The following BLTP2 variants were observed in gnomAD, a reference collection of about 807,000 sequenced individuals.
The protein encoded by BLTP2 is U937-associated antigen.
chr17:28,634,728 G>C, the BLTP2 span: 4 of 1,614,150 alleles, frequency 2.5e-6, no homozygotes, highest in Non-Finnish European at 3.4e-6. Context: ...TGTTGCCATA[G>C]AGACGACGGG....
chr17:28,635,126 A>T, the BLTP2 span: 1 of 1,613,870 alleles, frequency 6.2e-7, no homozygotes, highest in Non-Finnish European at 8.5e-7. Flanking sequence ...ACTGAGCCGA[A>T]AGAGAGGAGC....
At chr17:28,617,253 G>A in the BLTP2 span, 1 of 1,614,060 alleles carries the variant, frequency 6.2e-7, no homozygotes, top group Non-Finnish European at 8.5e-7. Flanking sequence ...CATTGGGGAG[G>A]AGGTTGTTCA....
At chr17:28,624,059 C>T in the BLTP2 span, 8 of 1,404,550 alleles carry the variant, frequency 5.7e-6, no homozygotes, top group South Asian at 1.0e-4. Context: ...CTAATGCTGG[C>T]TTACCAAGTA....
chr17:28,633,925 G>C, the BLTP2 span: 45 of 1,613,998 alleles, frequency 2.8e-5, no homozygotes, highest in Non-Finnish European at 3.6e-5. Context: ...TTGAGTGGGG[G>C]CATGTTCCTC....
At chr17:28,639,903 TC>T in the BLTP2 span, 1 of 1,614,006 alleles carries the variant, frequency 6.2e-7, no homozygotes, top group Non-Finnish European at 8.5e-7. Context: ...CCATGAACCT[TC>T]CAGCAGCAGT....
the BLTP2 span, chr17:28,615,877 A>C: frequency 6.7e-7 from 1 of 1,497,838 alleles, no homozygotes; most frequent in Non-Finnish European, 9.2e-7. Context: ...CCAGCCAGCC[A>C]CTTGAGTGCC....
chr17:28,618,517 G>C, the BLTP2 span, among the ~76,000 whole-genome samples: 3 of 152,058 alleles, frequency 2.0e-5, no homozygotes, highest in African/African-American at 7.2e-5. Flanking sequence ...CACGTGGCCT[G>C]TATCATTTTT....
the BLTP2 span, chr17:28,621,605 G>A: frequency 1.3e-6 from 1 of 758,304 alleles, no homozygotes; most frequent in Non-Finnish European, 2.3e-6. Flanking sequence ...TTACTATCTG[G>A]ACCTCCACTG....
the BLTP2 span, among the ~76,000 whole-genome samples, chr17:28,624,549 C>T: frequency 6.6e-6 from 1 of 152,160 alleles, no homozygotes; most frequent in East Asian, 1.9e-4. Flanking sequence ...CATCCCTTGA[C>T]CCATGAAGGC....
chr17:28,625,556 C>T, the BLTP2 span, among the ~76,000 whole-genome samples: 1 of 152,016 alleles, frequency 6.6e-6, no homozygotes, highest in South Asian at 2.1e-4. Context: ...CTCAACAATC[C>T]TACACCTCCC....
chr17:28,630,367 A>C, the BLTP2 span, among the ~76,000 whole-genome samples: 1 of 151,718 alleles, frequency 6.6e-6, no homozygotes. Flanking sequence ...CATGTTGCCC[A>C]GACTGGTCTC....
chr17:28,644,911 T>G, the BLTP2 span: 2 of 1,128,060 alleles, frequency 1.8e-6, no homozygotes, highest in African/African-American at 1.7e-5. Context: ...GCGCGCCCCC[T>G]CCTCAGTCTT....
chr17:28,633,096 G>A, the BLTP2 span: 2 of 1,590,968 alleles, frequency 1.3e-6, no homozygotes, highest in Non-Finnish European at 1.7e-6. Context: ...GGTTCCCATG[G>A]CACAGCCACT....
At chr17:28,632,301 C>T in the BLTP2 span, 6 of 1,440,282 alleles carry the variant, frequency 4.2e-6, no homozygotes, top group African/African-American at 4.3e-5. Context: ...AAGCTAAATC[C>T]TTCCCTTGCT....
the BLTP2 span, chr17:28,633,585 G>A: frequency 6.2e-7 from 1 of 1,614,112 alleles, no homozygotes; most frequent in Admixed American, 1.7e-5. Flanking sequence ...CCTGTTCAAT[G>A]TCCATGTGCC....
the BLTP2 span, chr17:28,642,387 C>T: frequency 6.6e-7 from 1 of 1,515,602 alleles, no homozygotes; most frequent in African/African-American, 1.4e-5. Context: ...CGCGGTGGCT[C>T]ACGCCTGTAA....
chr17:28,632,172 A>T, the BLTP2 span: 1 of 1,614,138 alleles, frequency 6.2e-7, no homozygotes, highest in Non-Finnish European at 8.5e-7. Context: ...CACTTGTCCA[A>T]GTTGCCCAGA....
At chr17:28,634,064 C>T in the BLTP2 span, 1 of 1,614,138 alleles carries the variant, frequency 6.2e-7, no homozygotes, top group Non-Finnish European at 8.5e-7. Context: ...CAAACAGGTA[C>T]CGTGGATAGT....
the BLTP2 span, chr17:28,623,730 T>C: frequency 1.0e-5 from 16 of 1,582,718 alleles, no homozygotes; most frequent in Admixed American, 2.0e-4. Flanking sequence ...ACCAGGAATA[T>C]AATGGGCCTT....
Sources: gnomAD v4.1 joint callset for allele counts (sites outside exome capture counted in the v4.1 genomes callset) on GRCh38, gnomAD v4.1.1 for gene constraint, MANE v1.5 for transcripts, NCBI Gene and HGNC (gene_info 2026-07-23, HGNC 2026-07-21) for gene names.